EXTL3: variants seen among roughly 807,000 people sequenced by gnomAD.
EXTL3 encodes exostosin-like 3.
A neutral mutation model predicts 69.3 loss-of-function variants in EXTL3; 27 were observed. The observed-to-expected ratio is 0.39, with a 90% CI of 0.29 to 0.54. The LOEUF (loss-of-function observed/expected upper bound fraction) is 0.54, where lower values mean the gene tolerates loss of function less well. Ranked by LOEUF, EXTL3 falls within the 20% of genes least tolerant of loss-of-function variation. EXTL3 has a pLI of 0.69. For synonymous variants in EXTL3, 511 were observed against 499.4 expected (o/e 1.02, Z -0.31); for missense variants, 1,003 against 1,231.8 (o/e 0.81, Z 2.78).
chr8:28,659,246 T>C (rs1321932398), intron 1 of EXTL3, among the ~76,000 whole-genome samples: 1 of 152,216 alleles, frequency 6.6e-6, no homozygotes, highest in Non-Finnish European at 1.5e-5. Flanking sequence ...TTCTTCATTT[T>C]TTTTTTTTTC....
rs1162883407 is a variant in EXTL3 at position 28,752,234 on chromosome 8, A to G, written c.*1368A>G. On this transcript the variant is annotated 3_prime_UTR_variant, in exon 7 of 7. Coordinates refer to ENST00000220562, the MANE Select transcript of EXTL3 (RefSeq NM_001440.4). ...TGTTCCCTGGGCTGAAACTGAAATAAGCTAATTTTTTGGGTCACGGTGGCA... is the reference window on the plus strand; with the variant it reads ...TGTTCCCTGGGCTGAAACTGAAATAGGCTAATTTTTTGGGTCACGGTGGCA... 1.3e-5 allele frequency: 2 copies of G among 152,254 alleles called. No homozygotes were observed. The highest frequency in any genetic ancestry group is 2.4e-5 in the African/African-American group (1 of 41,352). The allele number at this position is 152,254 out of a possible 1,614,324, so 9.4% of individuals were successfully genotyped here.
chr8:28,755,358 T>C lies in EXTL3; in HGVS notation c.*4492T>C, dbSNP rs1250296375. 1 of 152,454 alleles carries C rather than the reference T, an allele frequency of 6.6e-6. No homozygotes were observed. Among genetic ancestry groups the C allele is most frequent in the South Asian group, 2.1e-4 (1 of 4,828 alleles). The allele number at this position is 152,454 out of a possible 1,614,324, so 9.4% of individuals were successfully genotyped here. A position where few individuals can be genotyped will look rare whatever the true frequency, so the allele number is the denominator to read the frequency against. On this transcript the variant is annotated 3_prime_UTR_variant, in exon 7 of 7. Coordinates refer to ENST00000220562, the MANE Select transcript of EXTL3 (RefSeq NM_001440.4). ...TCAAGAACACAGGAGTTCCATAGTT[T>C]TCTCATGAATGAATGCTTTGACAAA...
At chr8:28,631,618 G>C (rs1806571824) in intron 1 of EXTL3, 2 of 152,192 alleles carry the variant, frequency 1.3e-5, no homozygotes, top group South Asian at 4.1e-4. Context: ...CTGCTGATGG[G>C]CGGACCAGGG....
intron 1 of EXTL3, among the ~76,000 whole-genome samples, chr8:28,661,382 A>G (rs1000733318): frequency 2.0e-5 from 3 of 152,062 alleles, no homozygotes; most frequent in African/African-American, 7.2e-5. Context: ...CACACAATAT[A>G]TGTATTATAT....
chr8:28,624,508 A>T (rs758119510), intron 1 of EXTL3, among the ~76,000 whole-genome samples: 1 of 152,214 alleles, frequency 6.6e-6, no homozygotes, highest in Non-Finnish European at 1.5e-5. Context: ...GGTTGCAGTG[A>T]ACTGAGACCA....
At chr8:28,627,199 A>T (rs1563428552) in intron 1 of EXTL3, among the ~76,000 whole-genome samples, 1 of 150,756 alleles carries the variant, frequency 6.6e-6, no homozygotes, top group South Asian at 2.1e-4. Flanking sequence ...AAAAAAAAAA[A>T]TTAAAAAAAA....
At chr8:28,737,432 T>C (rs1292725561) in intron 4 of EXTL3, 87 bp from the exon 5 acceptor site, 3 of 1,432,474 alleles carry the variant, frequency 2.1e-6, no homozygotes, top group African/African-American at 2.8e-5. Context: ...GGGCCAGAGC[T>C]TGTAAGGTGG....
intron 3 of EXTL3, among the ~76,000 whole-genome samples, chr8:28,725,084 A>G (rs945991465): frequency 6.6e-6 from 1 of 152,028 alleles, no homozygotes; most frequent in African/African-American, 2.4e-5. Flanking sequence ...GTTAAGTTTC[A>G]TTCTCAGATA....
Position 28,716,665 on chromosome 8 carries a change from C to G in EXTL3, c.606C>G (p.Asp202Glu). The G allele has an allele frequency of 6.2e-7, 1 of 1,614,228 alleles. No homozygotes were observed. Among genetic ancestry groups the G allele is most frequent in the Non-Finnish European group, 8.5e-7 (1 of 1,180,052 alleles). The stretch of plus-strand genomic sequence containing the variant: ...TCCCGGTCTACGTCTATGACAGTGA[C>G]CAGTTTGTCTTTGGCAGCTACCTGG... ...SGFPVYVYDSDQFVFGSYLDP... is the reference protein window; with the variant it reads ...SGFPVYVYDSEQFVFGSYLDP... The change falls in exon 3 of 7, where the codon GAC becomes GAG. Residue 202 changes from aspartate (D) to glutamate (E), a missense_variant. This residue lies in a region of EXTL3 where 742 missense variants were observed against 815.4 expected (regional missense o/e 0.91). Transcript: ENST00000220562. The surrounding 1 kb of genome is among the most constrained non-coding windows in gnomAD (Gnocchi z 7.1).
intron 1 of EXTL3, among the ~76,000 whole-genome samples, chr8:28,680,029 C>G (rs562611021): frequency 6.7e-6 from 1 of 150,362 alleles, no homozygotes; most frequent in Admixed American, 6.6e-5. Flanking sequence ...TTTTGAAAAG[C>G]AAGCTAGAAT....
At chr8:28,734,548 C>G (rs957953759) in intron 4 of EXTL3, among the ~76,000 whole-genome samples, 1 of 152,092 alleles carries the variant, frequency 6.6e-6, no homozygotes, top group African/African-American at 2.4e-5. Flanking sequence ...CCTGCCTTTA[C>G]TAAAAATATA....
chr8:28,709,266 G>C (rs568467393), intron 1 of EXTL3, among the ~76,000 whole-genome samples: 4 of 152,318 alleles, frequency 2.6e-5, no homozygotes, highest in African/African-American at 9.6e-5. Context: ...TTAAGTGAGT[G>C]TGTTGAGGAA....
chr8:28,662,982 T>C (rs576031553), intron 1 of EXTL3, among the ~76,000 whole-genome samples: 139 of 152,176 alleles, frequency 9.1e-4, no homozygotes, highest in African/African-American at 3.3e-3. Flanking sequence ...TAGATAGAAA[T>C]GGAAATAATT....
Position 28,716,202 on chromosome 8 carries a change from A to C in EXTL3, c.143A>C (p.His48Pro), listed in dbSNP as rs1292768003. ...CTGGTCTTCTTCCCGCTCATCGCCC[A>C]CTATTACCTCACCACTCTGGATGAG... ...VILVFFPLIA[H>P]YYLTTLDEAD... The change falls in exon 3 of 7, where the codon CAC becomes CCC. Residue 48 changes from histidine to proline, a missense_variant. Physicochemically the swap from His to Pro is moderately conservative, Grantham distance 77 (BLOSUM62 -2). Transcript: ENST00000220562. The surrounding 1 kb of genome is among the most constrained non-coding windows in gnomAD (Gnocchi z 7.1). The C allele has an allele frequency of 6.2e-7, 1 of 1,614,160 alleles. No individual in the cohort carries two copies.
chr8:28,737,698 G>A, intron 5 of EXTL3, 35 bp downstream of exon 5: 1 of 1,612,442 alleles, frequency 6.2e-7, no homozygotes, highest in Non-Finnish European at 8.5e-7. Flanking sequence ...CATCGACTTG[G>A]TGAGAGTTTC....
At chr8:28,626,964 C>T (rs1489782628) in intron 1 of EXTL3, among the ~76,000 whole-genome samples, 2 of 152,046 alleles carry the variant, frequency 1.3e-5, no homozygotes, top group African/African-American at 4.8e-5. Flanking sequence ...AGGCAGATCA[C>T]GAGGTCAGGA....
chr8:28,635,481 C>G (rs1806638585), intron 1 of EXTL3, among the ~76,000 whole-genome samples: 1 of 147,926 alleles, frequency 6.8e-6, no homozygotes, highest in Admixed American at 6.8e-5. Context: ...GCGGGCGGAT[C>G]ATGAGGTCAG....
chr8:28,640,423 A>C (rs1488593737), intron 1 of EXTL3, among the ~76,000 whole-genome samples: 1 of 152,292 alleles, frequency 6.6e-6, no homozygotes, highest in South Asian at 2.1e-4. Context: ...ATCTAGCACT[A>C]ATTCACTTCA....
intron 1 of EXTL3, among the ~76,000 whole-genome samples, chr8:28,683,693 C>T (rs1807528774): frequency 6.6e-6 from 1 of 151,970 alleles, no homozygotes; most frequent in Admixed American, 6.6e-5. Flanking sequence ...GCCTGTAGTC[C>T]CAGCTACTCA....
Sources: allele counts gnomAD v4.1 joint callset (sites outside exome capture counted in the v4.1 genomes callset), GRCh38; gene constraint gnomAD v4.1.1; regional missense constraint gnomAD v4.1.1; non-coding constraint Gnocchi (gnomAD v3.1); transcripts MANE v1.5; gene names NCBI Gene and HGNC (gene_info 2026-07-23, HGNC 2026-07-21).